TULP3: variants seen among roughly 807,000 people sequenced by gnomAD.
TULP3 encodes the protein TUB like protein 3, also known as tubby-related protein 3.
In TULP3, 38 loss-of-function variants were observed where a neutral mutation model predicts 50.7. That is an observed-to-expected ratio of 0.75 (90% CI 0.58 to 0.98). TULP3 has a LOEUF of 0.98. Ranked by LOEUF, TULP3 falls within the 50% of genes least tolerant of loss-of-function variation. The pLI is 0.00. For synonymous variants in TULP3, 183 were observed against 196.6 expected (o/e 0.93, Z 0.58); for missense variants, 550 against 568.0 (o/e 0.97, Z 0.32).
At chr12:2,893,615 C>T (rs1565494657) in intron 1 of TULP3, among the ~76,000 whole-genome samples, 2 of 150,692 alleles carry the variant, frequency 1.3e-5, no homozygotes, top group South Asian at 4.2e-4. Context: ...GCCCCCCAAC[C>T]CTGCCTGGCT....
chr12:2,923,056 G>T (rs188483062), intron 4 of TULP3, among the ~76,000 whole-genome samples: 6 of 151,624 alleles, frequency 4.0e-5, no homozygotes, highest in East Asian at 2.0e-4. Context: ...GGGGTTTCAC[G>T]GTGTTAGCCA....
intron 5 of TULP3, among the ~76,000 whole-genome samples, chr12:2,930,622 A>G (rs2098197425): frequency 1.3e-5 from 2 of 151,934 alleles, no homozygotes; most frequent in Admixed American, 6.6e-5. Context: ...ACAGGGTTTC[A>G]CCATGTTTGC....
intron 1 of TULP3, among the ~76,000 whole-genome samples, chr12:2,892,541 C>T (rs1441841079): frequency 6.6e-6 from 1 of 151,732 alleles, no homozygotes; most frequent in East Asian, 1.9e-4. Flanking sequence ...GAGACGGAGT[C>T]TCTCTCTGTC....
At chr12:2,931,355 A>T (rs2098197946) in intron 6 of TULP3, 115 bp downstream of exon 6, 5 of 968,186 alleles carry the variant, frequency 5.2e-6, no homozygotes, top group Non-Finnish European at 7.6e-6. Context: ...AGCTGGAAGT[A>T]GATTGTATCT....
At position 2,933,192 on chromosome 12, in the gene TULP3, C is replaced by G. The variant is rs1166087744; in HGVS notation, c.697-226C>G. On this transcript the variant is annotated intron_variant, in intron 6 of 10. Transcript: ENST00000448120. Reference sequence around the variant, plus strand: ...TCCTGACCTTGTGATCTGCCCACCTCGGCCTCCCAAAGTGCTGGGATTACA... The same window carrying G: ...TCCTGACCTTGTGATCTGCCCACCTGGGCCTCCCAAAGTGCTGGGATTACA... Among the ~76,000 whole-genome samples, 4 of 152,236 alleles carry G rather than the reference C, an allele frequency of 2.6e-5. No individual in the cohort carries two copies. In the East Asian group the frequency reaches 7.8e-4, roughly 30 times the overall value.
At chr12:2,912,431 A>G (rs1233171566) in intron 2 of TULP3, among the ~76,000 whole-genome samples, 1 of 152,150 alleles carries the variant, frequency 6.6e-6, no homozygotes. Flanking sequence ...TACAGTGCAC[A>G]CCCATCAGTG....
chr12:2,912,044 G>C (rs1409160536), intron 2 of TULP3, among the ~76,000 whole-genome samples: 3 of 152,022 alleles, frequency 2.0e-5, no homozygotes, highest in Non-Finnish European at 4.4e-5. Flanking sequence ...CACTCAGTAG[G>C]GGGTAAGGGA....
chr12:2,895,290 A>C (rs1478149740), intron 1 of TULP3, among the ~76,000 whole-genome samples: 5 of 152,114 alleles, frequency 3.3e-5, no homozygotes, highest in Non-Finnish European at 7.4e-5. Flanking sequence ...TTGTGTCTCT[A>C]CTAAATGGGC....
At chr12:2,926,396 C>T (rs773546847) in intron 4 of TULP3, among the ~76,000 whole-genome samples, 1 of 152,156 alleles carries the variant, frequency 6.6e-6, no homozygotes, top group Non-Finnish European at 1.5e-5. Context: ...GTGGGAGGAT[C>T]ACTTGAGCCC....
rs767729549 is a variant in TULP3, at chr12:2,938,228, C to G, written c.1138C>G (p.Arg380Gly). 1.6e-5 allele frequency: 26 copies of G among 1,614,042 alleles called. No individual in the cohort carries two copies. In the Admixed American group the frequency reaches 2.8e-4, roughly 18 times the overall value. ...SDTQSYVLNF[R>G]GRVTQASVKN... ...CACTCAGTCCTATGTCCTCAACTTC[C>G]GTGGCCGGGTCACTCAGGCGTCTGT... is the stretch of plus-strand genomic sequence containing the variant. Residue 380 changes from arginine (R) to glycine (G), a missense_variant, in exon 10 of 11, where the codon CGT becomes GGT. Transcript: ENST00000448120.
intron 2 of TULP3, among the ~76,000 whole-genome samples, chr12:2,913,952 T>G (rs904903496): frequency 6.6e-6 from 1 of 151,998 alleles, no homozygotes; most frequent in Non-Finnish European, 1.5e-5. Context: ...ATTGTACATA[T>G]TTATGGGGTA....
Position 2,934,550 on chromosome 12 carries a change from G to C in TULP3, c.913G>C (p.Ala305Pro). 1 of 1,590,818 alleles carries C rather than the reference G, an allele frequency of 6.3e-7. No homozygotes were observed. The highest frequency in any genetic ancestry group is 8.6e-7 in the Non-Finnish European group (1 of 1,169,290). ...GGCCCACACCCGGCAGGAGCTGGCT[G>C]CCATCTCCTATGTGAGTGCTGCTTT... ...GAAHTRQELA[A>P]ISYETNVLGF... The change falls in exon 8 of 11, where the codon GCC becomes CCC. Residue 305 changes from alanine to proline, a missense_variant. Transcript: ENST00000448120.
intron 1 of TULP3, among the ~76,000 whole-genome samples, chr12:2,892,079 C>A (rs1215805957): frequency 1.8e-5 from 2 of 113,818 alleles, no homozygotes; most frequent in Admixed American, 8.7e-5. Flanking sequence ...CATCCTGTCA[C>A]CTTAAAAAAA....
chr12:2,906,797 T>C (rs554502723), intron 1 of TULP3, among the ~76,000 whole-genome samples: 12 of 151,180 alleles, frequency 7.9e-5, no homozygotes, highest in African/African-American at 2.7e-4. Context: ...ACGCCTGTAA[T>C]CCCAGCTGCT....
intron 1 of TULP3, among the ~76,000 whole-genome samples, chr12:2,899,645 G>C (rs1200933537): frequency 6.6e-6 from 1 of 152,174 alleles, no homozygotes; most frequent in Admixed American, 6.5e-5. Flanking sequence ...TGTAATCCCA[G>C]CACTTTGGGA....
At chr12:2,895,924 C>T (rs2098175324) in intron 1 of TULP3, among the ~76,000 whole-genome samples, 1 of 98,186 alleles carries the variant, frequency 1.0e-5, no homozygotes, top group Non-Finnish European at 2.1e-5. Context: ...CTAAACATAG[C>T]AAAGGTACAG....
chr12:2,932,171 C>T (rs1195850960), intron 6 of TULP3, among the ~76,000 whole-genome samples: 3 of 152,086 alleles, frequency 2.0e-5, no homozygotes, highest in African/African-American at 4.8e-5. Flanking sequence ...GTATTTCCTC[C>T]CTGGAGAGGC....
chr12:2,928,066 A>G (rs1240890318), intron 4 of TULP3, among the ~76,000 whole-genome samples: 2 of 152,250 alleles, frequency 1.3e-5, no homozygotes, highest in Non-Finnish European at 2.9e-5. Context: ...AAACAATAGA[A>G]AACAAAAAGA....
At chr12:2,906,623 C>G (rs1275381834) in intron 1 of TULP3, among the ~76,000 whole-genome samples, 1 of 151,380 alleles carries the variant, frequency 6.6e-6, no homozygotes, top group African/African-American at 2.4e-5. Context: ...GCCACTGCGT[C>G]TGGCCTAATT....
Sources: gnomAD v4.1 joint callset for allele counts (sites outside exome capture counted in the v4.1 genomes callset) on GRCh38, gnomAD v4.1.1 for gene constraint, MANE v1.5 for transcripts, NCBI Gene and HGNC (gene_info 2026-07-23, HGNC 2026-07-21) for gene names.